GPM6B: variants seen among roughly 807,000 people sequenced by gnomAD.
GPM6B encodes neuronal membrane glycoprotein M6-b.
A neutral mutation model predicts 27.2 loss-of-function variants in GPM6B; 4 were observed. The observed-to-expected ratio is 0.15, with a 90% CI of 0.07 to 0.34. The LOEUF (loss-of-function observed/expected upper bound fraction) is 0.34, where lower values mean the gene tolerates loss of function less well. GPM6B is among the 10% of genes least tolerant of loss of function. The probability of loss-of-function intolerance (pLI) is 1.00; values close to 1 mark genes in which losing one functional copy is unlikely to be tolerated. For synonymous variants in GPM6B, 124 were observed against 103.1 expected (o/e 1.20, Z -1.23); for missense variants, 183 against 261.9 (o/e 0.70, Z 2.08).
At chrX:13,922,706 TA>T (rs1413927443) in intron 1 of GPM6B, among the ~76,000 whole-genome samples, 3 of 112,736 alleles carry the variant, frequency 2.7e-5, no homozygotes, top group African/African-American at 9.7e-5. Context: ...CTCAAATCCC[TA>T]AATGCTAAAA....
chrX:13,878,066 GTTGGT>G (rs1306514725), intron 1 of GPM6B, among the ~76,000 whole-genome samples: 5 of 110,072 alleles, frequency 4.5e-5, no homozygotes, highest in Non-Finnish European at 9.5e-5. Context: ...GTTAATGACA[GTTGGT>G]TTGATTGAAT....
chrX:13,795,733 A>ATT (rs1569206350), intron 2 of GPM6B, among the ~76,000 whole-genome samples: 4 of 98,183 alleles, frequency 4.1e-5, no homozygotes, highest in Admixed American at 1.2e-4. Context: ...CTCAGTTCTA[A>ATT]TTTCTTTTCT....
At chrX:13,902,461 T>C (rs112700659) in intron 1 of GPM6B, among the ~76,000 whole-genome samples, 9,834 of 110,767 alleles carry the variant, frequency 0.089, 486 homozygotes, top group Non-Finnish European at 0.14. Flanking sequence ...CATCGCCTCA[T>C]TTATTCTTCA....
upstream of GPM6B, among the ~76,000 whole-genome samples, chrX:13,821,439 C>T (rs762032081): frequency 1.8e-5 from 2 of 112,166 alleles, no homozygotes; most frequent in South Asian, 7.5e-4. Context: ...AAATGTTGAA[C>T]ACAACAAGAC....
At chrX:13,790,856 G>C (rs1170434975) in intron 2 of GPM6B, among the ~76,000 whole-genome samples, 1 of 100,627 alleles carries the variant, frequency 9.9e-6, no homozygotes, top group East Asian at 3.4e-4. Context: ...TGAGAAAGCA[G>C]ATTTCTAAAC....
Position 13,806,329 on chromosome X carries a change from G to A in GPM6B, c.181+1321C>T, listed in dbSNP as rs138707701. Reference sequence around the variant, plus strand: ...GATGTTTTTGAGGTTCATCCATGTTGTAGCATGCACAAATATTTCATTCCT... The same window carrying A: ...GATGTTTTTGAGGTTCATCCATGTTATAGCATGCACAAATATTTCATTCCT... On this transcript the variant is annotated intron_variant, in intron 2 of 7. Transcript: ENST00000316715. 2.0e-4 allele frequency among the ~76,000 whole-genome samples: 23 copies of A among 112,474 alleles called. No homozygotes were observed. The East Asian group carries it at 5.6e-3, about 27-fold the overall frequency.
intron 1 of GPM6B, among the ~76,000 whole-genome samples, chrX:13,899,102 G>A (rs750475333): frequency 1.4e-4 from 16 of 110,910 alleles, no homozygotes; most frequent in Non-Finnish European, 2.5e-4. Flanking sequence ...GATATGCAGT[G>A]TATCTGGGGT....
chrX:13,931,779 G>T (rs1220031852), intron 1 of GPM6B, among the ~76,000 whole-genome samples: 1 of 111,797 alleles, frequency 8.9e-6, no homozygotes, highest in Non-Finnish European at 1.9e-5. Context: ...TGACCAAATC[G>T]TATTTCCTAC....
At chrX:13,934,028 A>C (rs770119491) in intron 1 of GPM6B, among the ~76,000 whole-genome samples, 1 of 110,824 alleles carries the variant, frequency 9.0e-6, no homozygotes, top group South Asian at 4.0e-4. Flanking sequence ...TTTTCAATAA[A>C]CCATCCAGCT....
At chrX:13,851,163 CAA>C (rs10652819) in intron 1 of GPM6B, among the ~76,000 whole-genome samples, 120 of 60,175 alleles carry the variant, frequency 2.0e-3, no homozygotes, top group African/African-American at 5.6e-3. Flanking sequence ...ACTCCATCTC[CAA>C]AAAAAAAAAA....
chrX:13,938,300 C>A (rs938695397), intron 1 of GPM6B: 3 of 272,730 alleles, frequency 1.1e-5, no homozygotes, highest in East Asian at 5.2e-5. Context: ...GACCACCCCC[C>A]CCACAGGATA....
chrX:13,844,153 T>C (rs752287300), intron 1 of GPM6B, among the ~76,000 whole-genome samples: 1 of 112,326 alleles, frequency 8.9e-6, no homozygotes, highest in South Asian at 3.7e-4. Flanking sequence ...TTGAAAAGAG[T>C]ATTCTTTCCC....
chrX:13,905,135 G>A (rs1228419882), intron 1 of GPM6B, among the ~76,000 whole-genome samples: 3 of 105,246 alleles, frequency 2.9e-5, no homozygotes, highest in Non-Finnish European at 5.8e-5. Context: ...AGAGACTAAG[G>A]TAAGAGGATC....
At chrX:13,887,959 C>T (rs1181151242) in intron 1 of GPM6B, among the ~76,000 whole-genome samples, 1 of 111,244 alleles carries the variant, frequency 9.0e-6, no homozygotes, top group Non-Finnish European at 1.9e-5. Context: ...CCTGATTCTG[C>T]TATGACCCAC....
upstream of GPM6B, among the ~76,000 whole-genome samples, chrX:13,820,012 G>C (rs773843023): frequency 1.1e-4 from 12 of 111,874 alleles, no homozygotes; most frequent in African/African-American, 3.9e-4. Context: ...TTTTCTGACA[G>C]AGGGACTGAA....
At chrX:13,898,835 G>C (rs7890737) in intron 1 of GPM6B, among the ~76,000 whole-genome samples, 1 of 110,301 alleles carries the variant, frequency 9.1e-6, no homozygotes, top group Non-Finnish European at 1.9e-5. Context: ...TCATCCTGTC[G>C]GGCTCATCAT....
At chrX:13,931,994 A>G (rs763907828) in intron 1 of GPM6B, among the ~76,000 whole-genome samples, 5 of 112,394 alleles carry the variant, frequency 4.4e-5, no homozygotes, top group African/African-American at 1.6e-4. Context: ...TTTTATCTGG[A>G]ATTTTATAGT....
At chrX:13,933,375 A>G (rs183785885) in intron 1 of GPM6B, among the ~76,000 whole-genome samples, 243 of 111,915 alleles carry the variant, frequency 2.2e-3, no homozygotes, top group Middle Eastern at 4.6e-3. Flanking sequence ...GTTTACCTAA[A>G]GGACCCCACC....
At chrX:13,919,812 GGAGA>G (rs200823642) in intron 1 of GPM6B, among the ~76,000 whole-genome samples, 1,345 of 111,628 alleles carry the variant, frequency 0.012, 15 homozygotes, top group African/African-American at 0.041. Flanking sequence ...TACTTACAGA[GGAGA>G]GAAACTGGGG....
Sources: gnomAD v4.1 joint callset for allele counts (sites outside exome capture counted in the v4.1 genomes callset) on GRCh38, gnomAD v4.1.1 for gene constraint, MANE v1.5 for transcripts, NCBI Gene and HGNC (gene_info 2026-07-23, HGNC 2026-07-21) for gene names.